YAP1: variants seen among roughly 807,000 people sequenced by gnomAD.
YAP1 encodes the protein Yes1 associated transcriptional regulator, also known as transcriptional coactivator YAP1.
Under a neutral mutation model 56.9 loss-of-function variants are expected in YAP1, and 5 were observed. That is an observed-to-expected ratio of 0.09 (90% CI 0.05 to 0.18). YAP1 has a LOEUF of 0.18. YAP1 is among the 10% of genes least tolerant of loss of function. The probability of loss-of-function intolerance (pLI) is 1.00; values close to 1 mark genes in which losing one functional copy is unlikely to be tolerated. For missense variants in YAP1, 539 were observed against 651.8 expected, an observed-to-expected ratio of 0.83 and a Z score of 1.88; for synonymous variants, 265 against 248.1, an observed-to-expected ratio of 1.07 and a Z score of -0.64.
rs554789522 is a variant in YAP1 at position 102,211,806 on chromosome 11, C to G, written c.1032+2242C>G. Among the ~76,000 whole-genome samples, 222 of 152,064 alleles carry G rather than the reference C, an allele frequency of 1.5e-3. 1 individual carries two copies. The highest frequency in any genetic ancestry group is 2.2e-3 in the Non-Finnish European group (148 of 67,984). On this transcript the variant is annotated intron_variant, in intron 6 of 8. Coordinates refer to ENST00000282441, the MANE Select transcript of YAP1 (RefSeq NM_001130145.3). ...GCAACCTCCACCTCCCAGGTTCAAG[C>G]AATTCTCCTGCCTCAGCCTCCTGAG...
intron 6 of YAP1, among the ~76,000 whole-genome samples, chr11:102,222,362 T>C (rs1295285714): frequency 6.6e-6 from 1 of 152,160 alleles, no homozygotes; most frequent in Non-Finnish European, 1.5e-5. Flanking sequence ...AGAGGCACAG[T>C]GAAAATTCTT....
chr11:102,178,936 A>G (rs563621740), intron 3 of YAP1, among the ~76,000 whole-genome samples: 14 of 152,272 alleles, frequency 9.2e-5, no homozygotes, highest in African/African-American at 3.4e-4. Flanking sequence ...GGTGCAAGAA[A>G]GTGAGTGGGA....
intron 2 of YAP1, among the ~76,000 whole-genome samples, chr11:102,124,172 C>G (rs186795204): frequency 6.6e-6 from 1 of 151,836 alleles, no homozygotes. Flanking sequence ...AGGTTGGTCT[C>G]GAACTCCTGA....
intron 2 of YAP1, among the ~76,000 whole-genome samples, chr11:102,145,678 T>C (rs1945284907): frequency 6.6e-6 from 1 of 152,238 alleles, no homozygotes; most frequent in Non-Finnish European, 1.5e-5. Flanking sequence ...AAATGTTGAC[T>C]GTATTTTATA....
At chr11:102,181,043 G>A (rs1375641815) in intron 3 of YAP1, among the ~76,000 whole-genome samples, 1 of 151,906 alleles carries the variant, frequency 6.6e-6, no homozygotes. Context: ...AGCTCCCCAG[G>A]AAGCTGAGGC....
chr11:102,169,986 G>A (rs540109514), intron 3 of YAP1, among the ~76,000 whole-genome samples: 1 of 152,232 alleles, frequency 6.6e-6, no homozygotes, highest in South Asian at 2.1e-4. Flanking sequence ...TATCCAGCTT[G>A]CAAATGGCAT....
At chr11:102,184,012 G>A (rs1157036873) in intron 3 of YAP1, among the ~76,000 whole-genome samples, 1 of 149,774 alleles carries the variant, frequency 6.7e-6, no homozygotes, top group African/African-American at 2.5e-5. Flanking sequence ...GGGAGGCGGA[G>A]CTTGCAGTGA....
chr11:102,150,334 C>T (rs997978707), intron 2 of YAP1, among the ~76,000 whole-genome samples: 1 of 152,132 alleles, frequency 6.6e-6, no homozygotes, highest in African/African-American at 2.4e-5. Flanking sequence ...CATCCCTTGT[C>T]TTTTGTCTGC....
At chr11:102,148,177 G>A (rs1945428235) in intron 2 of YAP1, among the ~76,000 whole-genome samples, 2 of 152,150 alleles carry the variant, frequency 1.3e-5, no homozygotes, top group African/African-American at 2.4e-5. Flanking sequence ...AATAGAGCAT[G>A]CTTAAAATTG....
intron 2 of YAP1, among the ~76,000 whole-genome samples, chr11:102,116,395 C>T (rs1943291272): frequency 6.6e-6 from 1 of 152,114 alleles, no homozygotes; most frequent in East Asian, 1.9e-4. Flanking sequence ...GTAGGAGGTC[C>T]TGGAACCAAT....
chr11:102,202,057 A>C (rs1948886732), intron 4 of YAP1, among the ~76,000 whole-genome samples: 1 of 152,216 alleles, frequency 6.6e-6, no homozygotes, highest in South Asian at 2.1e-4. Context: ...CATTGATCAG[A>C]ATAACTGTGC....
chr11:102,207,287 T>G (rs1256360527), intron 5 of YAP1, among the ~76,000 whole-genome samples: 1 of 152,208 alleles, frequency 6.6e-6, no homozygotes, highest in East Asian at 1.9e-4. Context: ...TTAGGTTTTT[T>G]GTTTTTTGTT....
chr11:102,120,707 G>A (rs369508654), intron 2 of YAP1, among the ~76,000 whole-genome samples: 1 of 152,126 alleles, frequency 6.6e-6, no homozygotes, highest in South Asian at 2.1e-4. Context: ...TTTAAAGTAA[G>A]GTATTTATTT....
Position 102,207,235 on chromosome 11 carries a change from T to C in YAP1, c.984+1161T>C, listed in dbSNP as rs184312066. 4.0e-3 allele frequency among the ~76,000 whole-genome samples: 603 copies of C among 152,210 alleles called. 4 individuals carry two copies. The highest frequency in any genetic ancestry group is 0.014 in the African/African-American group (581 of 41,544). On this transcript the variant is annotated intron_variant, in intron 5 of 8. Coordinates refer to ENST00000282441, the MANE Select transcript of YAP1 (RefSeq NM_001130145.3). The stretch of plus-strand genomic sequence containing the variant: ...CTCAAAATAAGATCTTTTCCCTGTT[T>C]TTCTAGTTCTCTCCTATGGGGCCTA...
intron 3 of YAP1, among the ~76,000 whole-genome samples, chr11:102,167,596 T>C (rs1234321680): frequency 6.6e-6 from 1 of 152,038 alleles, no homozygotes; most frequent in Non-Finnish European, 1.5e-5. Context: ...AGCTGAGCAT[T>C]GGTGGTGCAC....
intron 4 of YAP1, among the ~76,000 whole-genome samples, chr11:102,190,359 G>A (rs979089513): frequency 6.6e-6 from 1 of 152,244 alleles, no homozygotes; most frequent in Non-Finnish European, 1.5e-5. Flanking sequence ...GGCCAGGTGC[G>A]GTGGCTCATG....
chr11:102,164,052 T>A (rs964906233), intron 3 of YAP1, among the ~76,000 whole-genome samples: 14 of 151,548 alleles, frequency 9.2e-5, no homozygotes, highest in Non-Finnish European at 1.9e-4. Context: ...TTTTTTTTTT[T>A]ATTGAGACGG....
intron 4 of YAP1, among the ~76,000 whole-genome samples, chr11:102,193,573 T>TA: frequency 6.6e-6 from 1 of 152,310 alleles, no homozygotes; most frequent in Admixed American, 6.5e-5. Flanking sequence ...AGACATATGT[T>TA]ACGGAGGATA....
chr11:102,233,300 T>C lies in YAP1; in HGVS notation c.*3360T>C, dbSNP rs1950489042. 6.6e-6 allele frequency: 1 copy of C among 152,226 alleles called. No individual in the cohort carries two copies. Among genetic ancestry groups the C allele is most frequent in the South Asian group, 2.1e-4 (1 of 4,832 alleles). 9.4% of individuals were successfully genotyped at this position (152,226 alleles called of 1,614,324 possible). On this transcript the variant is annotated 3_prime_UTR_variant, in exon 9 of 9. Transcript: ENST00000282441. ...AGTACCAATGTTACCTTTTTATTTT[T>C]TGTTTTAGATGTAAGAGCATGCTCA...
Sources: allele counts gnomAD v4.1 joint callset (sites outside exome capture counted in the v4.1 genomes callset), GRCh38; gene constraint gnomAD v4.1.1; transcripts MANE v1.5; gene names NCBI Gene and HGNC (gene_info 2026-07-23, HGNC 2026-07-21).